AEN: variants seen among roughly 807,000 people sequenced by gnomAD.
The protein encoded by AEN is apoptosis-enhancing nuclease.
AEN carries 21 observed loss-of-function variants against 17.7 expected under a neutral mutation model. The observed-to-expected ratio is 1.19, with a 90% confidence interval of 0.84 to 1.71. The LOEUF is 1.71. Among genes scored for constraint, AEN ranks in the 40% most tolerant of loss-of-function variants. The probability of loss-of-function intolerance (pLI) is 0.00; values close to 1 mark genes in which losing one functional copy is unlikely to be tolerated. For synonymous variants in AEN, 190 were observed against 173.0 expected (o/e 1.10, Z -0.77); for missense variants, 462 against 435.9 (o/e 1.06, Z -0.53).
At chr15:88,626,987 C>T in intron 2 of AEN, 1 of 536,408 alleles carries the variant, frequency 1.9e-6, no homozygotes, top group Non-Finnish European at 3.3e-6. Flanking sequence ...GCTACACCAA[C>T]TGTAAGGTGA....
upstream of AEN, among the ~76,000 whole-genome samples, chr15:88,619,258 A>T (rs941865078): frequency 2.0e-5 from 3 of 152,222 alleles, no homozygotes; most frequent in African/African-American, 7.2e-5. Context: ...GATTTAGAAC[A>T]GGTGCAGTGT....
chr15:88,629,189 G>A (rs1414575753), intron 2 of AEN, 37 bp from the exon 3 acceptor site: 9 of 1,608,366 alleles, frequency 5.6e-6, no homozygotes, highest in South Asian at 1.1e-5. Flanking sequence ...CTGATGGGGT[G>A]TGGGGTGACC....
At chr15:88,609,225 C>T in the AEN span, among the ~76,000 whole-genome samples, 1 of 152,172 alleles carries the variant, frequency 6.6e-6, no homozygotes, top group Non-Finnish European at 1.5e-5. Context: ...ACTATTAGCC[C>T]TTCAATATTA....
upstream of AEN, among the ~76,000 whole-genome samples, chr15:88,618,140 A>AC (rs1159786198): frequency 6.6e-6 from 1 of 152,148 alleles, no homozygotes; most frequent in Admixed American, 6.5e-5. Context: ...CTCCCTGTTT[A>AC]CAGAGTCTTA....
chr15:88,610,387 G>C, the AEN span, among the ~76,000 whole-genome samples: 1 of 151,482 alleles, frequency 6.6e-6, no homozygotes, highest in Non-Finnish European at 1.5e-5. Flanking sequence ...ATGGGGAAAG[G>C]AGGTCTCAGT....
rs1476979578 is a variant in AEN at position 88,630,709 on chromosome 15, G to A, written c.*415G>A. The stretch of plus-strand genomic sequence containing the variant: ...CTCTCTGGGGATGGTGGGTGGGGGT[G>A]TCAATATCCTGGAGCTCCCTTACCC... On this transcript the variant is annotated 3_prime_UTR_variant, in exon 4 of 4. Coordinates refer to ENST00000332810, the MANE Select transcript of AEN (RefSeq NM_022767.4). This position sits in a 1 kb window ranked among gnomAD's most constrained non-coding sequence, Gnocchi z 5.1. 3 of 223,354 alleles carry A rather than the reference G, an allele frequency of 1.3e-5. No homozygotes were observed. Among genetic ancestry groups the A allele is most frequent in the Non-Finnish European group, 2.8e-5 (3 of 108,436 alleles). 13.8% of individuals were successfully genotyped at this position (223,354 alleles called of 1,614,324 possible).
the AEN span, chr15:88,605,248 A>G: frequency 2.0e-5 from 3 of 152,210 alleles, no homozygotes; most frequent in South Asian, 4.1e-4. This position sits in a 1 kb window ranked among gnomAD's most constrained non-coding sequence, Gnocchi z 7.6. Flanking sequence ...CCCAGCTTGC[A>G]GTTTGTTTCG....
At chr15:88,619,764 C>G (rs562179532), upstream of AEN, among the ~76,000 whole-genome samples, 1 of 152,050 alleles carries the variant, frequency 6.6e-6, no homozygotes, top group African/African-American at 2.4e-5. Flanking sequence ...GCCTGAAGAC[C>G]GCTGTCCTAT....
At chr15:88,614,948 C>T in the AEN span, among the ~76,000 whole-genome samples, 1 of 151,966 alleles carries the variant, frequency 6.6e-6, no homozygotes. Flanking sequence ...AGTGCAGTGG[C>T]GCGATCTCGG....
chr15:88,606,787 T>G, the AEN span, among the ~76,000 whole-genome samples: 11 of 152,226 alleles, frequency 7.2e-5, no homozygotes, highest in Non-Finnish European at 1.6e-4. Context: ...TTATTTTAAG[T>G]AAAGGCGCAT....
the AEN span, among the ~76,000 whole-genome samples, chr15:88,611,597 C>A: frequency 3.3e-5 from 5 of 151,792 alleles, no homozygotes; most frequent in African/African-American, 9.7e-5. Context: ...CCCTGTCTCA[C>A]CAAAACAAAA....
At chr15:88,605,877 C>T in the AEN span, among the ~76,000 whole-genome samples, 2 of 152,268 alleles carry the variant, frequency 1.3e-5, no homozygotes, top group East Asian at 1.9e-4. This position sits in a 1 kb window ranked among gnomAD's most constrained non-coding sequence, Gnocchi z 7.6. Context: ...GCGCACGGCT[C>T]GGCCTCCCAG....
upstream of AEN, among the ~76,000 whole-genome samples, chr15:88,616,956 T>A (rs370260146): frequency 1.3e-5 from 2 of 152,232 alleles, no homozygotes; most frequent in Non-Finnish European, 2.9e-5. Context: ...TGAATTATAG[T>A]GGGTTTATCC....
the AEN span, among the ~76,000 whole-genome samples, chr15:88,615,861 G>A: frequency 6.6e-6 from 1 of 152,086 alleles, no homozygotes; most frequent in South Asian, 2.1e-4. Flanking sequence ...CCCCCAAAAA[G>A]TCCTCAGAAT....
chr15:88,609,766 A>G, the AEN span, among the ~76,000 whole-genome samples: 5 of 152,218 alleles, frequency 3.3e-5, no homozygotes, highest in African/African-American at 1.2e-4. Context: ...TAGGGCCACA[A>G]TCAGTTCAAA....
chr15:88,630,169 C>G lies in AEN; in HGVS notation c.853C>G (p.Pro285Ala). The G allele has an allele frequency of 6.2e-7, 1 of 1,613,758 alleles. No individual in the cohort carries two copies. Among genetic ancestry groups the G allele is most frequent in the South Asian group, 1.1e-5 (1 of 91,036 alleles). Residue 285 changes from proline (P) to alanine (A), a missense_variant, in exon 4 of 4, where the codon CCC becomes GCC. Transcript: ENST00000332810. The surrounding 1 kb of genome is among the most constrained non-coding windows in gnomAD (Gnocchi z 5.1). ...QQEARSLWTC[P>A]EDREPDSSTD... ...GGAGGCCCGCAGCCTCTGGACCTGC[C>G]CCGAGGACAGAGAACCTGACAGCAG...
chr15:88,605,728 G>C, the AEN span, among the ~76,000 whole-genome samples: 1 of 152,322 alleles, frequency 6.6e-6, no homozygotes, highest in East Asian at 1.9e-4. The surrounding 1 kb of genome is among the most constrained non-coding windows in gnomAD (Gnocchi z 7.6). Flanking sequence ...TCTCCTTCGA[G>C]TCGCTACCCG....
chr15:88,614,103 T>G, the AEN span, among the ~76,000 whole-genome samples: 1 of 152,184 alleles, frequency 6.6e-6, no homozygotes, highest in African/African-American at 2.4e-5. Flanking sequence ...ATAGACCAAG[T>G]CCCTCCCCAC....
At chr15:88,611,918 T>C in the AEN span, 2 of 507,228 alleles carry the variant, frequency 3.9e-6, no homozygotes, top group Non-Finnish European at 4.0e-6. Flanking sequence ...GTCTACCTAA[T>C]GGTGCCAGCC....
Sources: allele counts gnomAD v4.1 joint callset (sites outside exome capture counted in the v4.1 genomes callset), GRCh38; gene constraint gnomAD v4.1.1; non-coding constraint Gnocchi (gnomAD v3.1); transcripts MANE v1.5; gene names NCBI Gene and HGNC (gene_info 2026-07-23, HGNC 2026-07-21).